Variants in TLE4 observed in about 807,000 individuals in gnomAD.
TLE4 encodes TLE family member 4, transcriptional corepressor.
TLE4 carries 8 observed loss-of-function variants against 92.8 expected under a neutral mutation model. The ratio of observed to expected loss-of-function variants is 0.09; its 90% CI spans 0.05 to 0.16. TLE4 has a LOEUF of 0.16. TLE4 is among the 10% of genes least tolerant of loss of function. The pLI is 1.00. For synonymous variants in TLE4, 371 were observed against 374.1 expected, an observed-to-expected ratio of 0.99 and a Z score of 0.10; for missense variants, 675 against 997.6, an observed-to-expected ratio of 0.68 and a Z score of 4.36.
At chr9:79,638,158 A>T (rs1426819254) in intron 6 of TLE4, among the ~76,000 whole-genome samples, 1 of 152,150 alleles carries the variant, frequency 6.6e-6, no homozygotes, top group African/African-American at 2.4e-5. Context: ...TAGGTGAGGC[A>T]GGGGACATGA....
chr9:79,651,714 C>T (rs1424937500), intron 6 of TLE4, among the ~76,000 whole-genome samples: 1 of 152,202 alleles, frequency 6.6e-6, no homozygotes, highest in Non-Finnish European at 1.5e-5. Context: ...TCAAGTACCG[C>T]TGAGGACACT....
intron 9 of TLE4, 119 bp downstream of exon 9, chr9:79,705,021 A>C: frequency 7.1e-7 from 1 of 1,414,974 alleles, no homozygotes; most frequent in Admixed American, 2.1e-5. Flanking sequence ...TTAGGAGACA[A>C]AAAACATTTA....
At chr9:79,622,214 C>G (rs1489563436) in intron 5 of TLE4, among the ~76,000 whole-genome samples, 1 of 152,016 alleles carries the variant, frequency 6.6e-6, no homozygotes, top group Admixed American at 6.6e-5. Context: ...ATCCATTTTC[C>G]TTTATTTTTC....
chr9:79,598,865 A>C (rs1269682740), intron 4 of TLE4, among the ~76,000 whole-genome samples: 5 of 152,074 alleles, frequency 3.3e-5, no homozygotes, highest in Non-Finnish European at 7.3e-5. Flanking sequence ...AAACACCTCG[A>C]GTTCAGATCA....
At chr9:79,587,226 A>C (rs1587736205) in intron 4 of TLE4, among the ~76,000 whole-genome samples, 1 of 152,198 alleles carries the variant, frequency 6.6e-6, no homozygotes, top group South Asian at 2.1e-4. Flanking sequence ...ATGTAGCATC[A>C]CATATTCTGA....
At chr9:79,705,825 A>G in intron 9 of TLE4, 64 bp from the exon 10 acceptor site, 2 of 1,512,906 alleles carry the variant, frequency 1.3e-6, no homozygotes, top group Non-Finnish European at 1.8e-6. Flanking sequence ...GTCTGGACTT[A>G]CTTAGGGTAA....
At chr9:79,707,661 G>A (rs149012912) in intron 11 of TLE4, among the ~76,000 whole-genome samples, 194 of 152,256 alleles carry the variant, frequency 1.3e-3, no homozygotes, top group African/African-American at 4.4e-3. Flanking sequence ...TTGGCCTTCT[G>A]GCCTTCTTTT....
chr9:79,681,331 A>ACTTTGTTTTTTTTTTTTTTTTTTTTTT (rs2064529574), intron 8 of TLE4, among the ~76,000 whole-genome samples: 1 of 152,000 alleles, frequency 6.6e-6, no homozygotes, highest in Non-Finnish European at 1.5e-5. Flanking sequence ...CAGTAACGTT[A>ACTTTGTTTTTTTTTTTTTTTTTTTTTT]TTTTGTTTTT....
intron 4 of TLE4, among the ~76,000 whole-genome samples, chr9:79,593,211 A>G (rs2132385637): frequency 6.6e-6 from 1 of 152,330 alleles, no homozygotes; most frequent in Non-Finnish European, 1.5e-5. Context: ...TTCCAAAAAA[A>G]AACGAAAACC....
intron 14 of TLE4, among the ~76,000 whole-genome samples, chr9:79,712,462 T>C (rs976696903): frequency 1.3e-5 from 2 of 152,216 alleles, no homozygotes; most frequent in African/African-American, 4.8e-5. Flanking sequence ...GACAAAACTT[T>C]TTTAAGTGTG....
In TLE4 at chr9:79,572,829, A is replaced by G. The variant is rs2036165785; in HGVS notation, c.39A>G (p.Arg13=). The G allele has an allele frequency of 1.9e-6, 3 of 1,599,354 alleles. No homozygotes were observed. In the South Asian group the frequency reaches 3.4e-5, roughly 18 times the overall value. ...RDLSKMYPQT[R]HPAPHQPAQP... is the part of the protein sequence containing the mutation. ...TGAGCAAGATGTACCCGCAGACCAGACACCCAGTGAGTGCGGGCGGCGGGG... is the reference window on the plus strand; with the variant it reads ...TGAGCAAGATGTACCCGCAGACCAGGCACCCAGTGAGTGCGGGCGGCGGGG... Residue 13 remains arginine (R), a synonymous_variant, in exon 1 of 20, where the codon AGA becomes AGG. Transcript: ENST00000376552.
intron 4 of TLE4, among the ~76,000 whole-genome samples, chr9:79,604,361 G>A (rs1359964147): frequency 6.6e-6 from 1 of 152,118 alleles, no homozygotes; most frequent in East Asian, 1.9e-4. Flanking sequence ...CTGAAAGTGT[G>A]GTGGAAGTGT....
chr9:79,667,874 C>T (rs1461024176), intron 8 of TLE4, among the ~76,000 whole-genome samples: 5 of 152,206 alleles, frequency 3.3e-5, no homozygotes, highest in African/African-American at 1.2e-4. Context: ...TGGGAACTAA[C>T]TCGGGTCATG....
At chr9:79,596,851 C>T (rs1425619946) in intron 4 of TLE4, among the ~76,000 whole-genome samples, 1 of 152,112 alleles carries the variant, frequency 6.6e-6, no homozygotes, top group Non-Finnish European at 1.5e-5. Context: ...TTGGAGTTTG[C>T]TTATTAAAGT....
intron 4 of TLE4, among the ~76,000 whole-genome samples, chr9:79,593,544 G>C (rs772428005): frequency 6.6e-6 from 1 of 152,130 alleles, no homozygotes; most frequent in Non-Finnish European, 1.5e-5. Context: ...GTCTAAGTTA[G>C]ATTGAGGCCT....
chr9:79,612,239 A>G (rs1004698282), intron 4 of TLE4, among the ~76,000 whole-genome samples: 1 of 152,122 alleles, frequency 6.6e-6, no homozygotes, highest in African/African-American at 2.4e-5. Context: ...TAGAAATCCA[A>G]TGATTTGCTA....
At chr9:79,625,431 G>A (rs1267891335) in intron 5 of TLE4, among the ~76,000 whole-genome samples, 1 of 152,072 alleles carries the variant, frequency 6.6e-6, no homozygotes, top group Non-Finnish European at 1.5e-5. Context: ...GTTAAAACAC[G>A]AACAATTTGC....
At chr9:79,575,411 C>A (rs1345133870) in intron 3 of TLE4, among the ~76,000 whole-genome samples, 2 of 152,000 alleles carry the variant, frequency 1.3e-5, no homozygotes, top group Non-Finnish European at 2.9e-5. Flanking sequence ...GACAGCAGAC[C>A]ATTTTTCAAA....
chr9:79,582,699 A>G (rs1230163363), intron 4 of TLE4, among the ~76,000 whole-genome samples: 2 of 146,374 alleles, frequency 1.4e-5, no homozygotes, highest in Non-Finnish European at 3.0e-5. Flanking sequence ...ACTTCTGGAC[A>G]GCAATAATGT....
Sources: gnomAD v4.1 joint callset for allele counts (sites outside exome capture counted in the v4.1 genomes callset) on GRCh38, gnomAD v4.1.1 for gene constraint, MANE v1.5 for transcripts, NCBI Gene and HGNC (gene_info 2026-07-23, HGNC 2026-07-21) for gene names.